Variants in FSTL4 observed in about 807,000 individuals in gnomAD.
FSTL4 encodes the protein follistatin like 4, also known as follistatin-related protein 4.
In FSTL4, 28 loss-of-function variants were observed where a neutral mutation model predicts 78.2. The observed-to-expected ratio is 0.36, with a 90% CI of 0.27 to 0.49. The LOEUF (loss-of-function observed/expected upper bound fraction) is 0.49, where lower values mean the gene tolerates loss of function less well. Ranked by LOEUF, FSTL4 falls within the 20% of genes least tolerant of loss-of-function variation. The pLI, the probability that FSTL4 is intolerant of heterozygous loss-of-function variation, is 0.98. For missense variants in FSTL4, 922 were observed against 1,084.9 expected, an observed-to-expected ratio of 0.85 and a Z score of 2.11; for synonymous variants, 422 against 440.5, an observed-to-expected ratio of 0.96 and a Z score of 0.53.
At chr5:133,445,838 GA>G (rs1034432001) in intron 3 of FSTL4, among the ~76,000 whole-genome samples, 12 of 146,974 alleles carry the variant, frequency 8.2e-5, no homozygotes, top group African/African-American at 1.2e-4. Flanking sequence ...TTTTAAAGGA[GA>G]AAAAAAAAAG....
chr5:133,481,255 C>T (rs148629285), intron 3 of FSTL4, among the ~76,000 whole-genome samples: 314 of 152,248 alleles, frequency 2.1e-3, no homozygotes, highest in Middle Eastern at 0.01. Flanking sequence ...AGCTATCAAG[C>T]ATTGGTCAGG....
In FSTL4 at chr5:133,466,646, C is replaced by A. The variant is rs548031928; in HGVS notation, c.161-65660G>T. 2.6e-5 allele frequency among the ~76,000 whole-genome samples: 4 copies of A among 152,310 alleles called. No homozygotes were observed. The East Asian group carries it at 7.7e-4, about 29-fold the overall frequency. ...GTATCCGGTCAACATTTATTGAATT[C>A]CCTCTGAGTAATAAATAGACCCTTT... is the stretch of plus-strand genomic sequence containing the variant. On this transcript the variant is annotated intron_variant, in intron 3 of 15. Transcript: ENST00000265342.
chr5:133,487,677 T>C (rs1447912479), intron 3 of FSTL4, among the ~76,000 whole-genome samples: 1 of 152,186 alleles, frequency 6.6e-6, no homozygotes, highest in Non-Finnish European at 1.5e-5. Context: ...CTTCTCCCTA[T>C]GCAGGTGCTT....
intron 2 of FSTL4, among the ~76,000 whole-genome samples, chr5:133,580,051 T>C (rs1760368029): frequency 6.6e-6 from 1 of 152,184 alleles, no homozygotes; most frequent in Admixed American, 6.5e-5. Flanking sequence ...GCACACCCTC[T>C]TCTCCAAAGG....
chr5:133,807,108 T>C, the FSTL4 span, among the ~76,000 whole-genome samples: 1 of 152,224 alleles, frequency 6.6e-6, no homozygotes, highest in East Asian at 1.9e-4. Context: ...ATTCCTTTTG[T>C]TGTTAAACAG....
chr5:133,362,867 CTTTAACCTATCTCCTT>C (rs1755101209), intron 4 of FSTL4, among the ~76,000 whole-genome samples: 1 of 152,200 alleles, frequency 6.6e-6, no homozygotes, highest in South Asian at 2.1e-4. Context: ...ATTACTATGC[CTTTAACCTATCTCCTT>C]TTTAAATCAC....
chr5:133,404,126 C>T (rs1756300464), intron 3 of FSTL4, among the ~76,000 whole-genome samples: 1 of 152,216 alleles, frequency 6.6e-6, no homozygotes, highest in African/African-American at 2.4e-5. Context: ...ACAAAAGTAG[C>T]ATGAAGGCCC....
intron 3 of FSTL4, among the ~76,000 whole-genome samples, chr5:133,488,306 G>T (rs1375348148): frequency 6.6e-6 from 1 of 152,208 alleles, no homozygotes; most frequent in African/African-American, 2.4e-5. Context: ...CCAGGCTGGA[G>T]TGCAGTGGCA....
intron 4 of FSTL4, among the ~76,000 whole-genome samples, chr5:133,344,420 T>C (rs1336116233): frequency 1.3e-5 from 2 of 152,238 alleles, no homozygotes; most frequent in Non-Finnish European, 2.9e-5. Flanking sequence ...ATTCTGATGA[T>C]GTAACCCTCA....
At chr5:133,724,900 G>A in the FSTL4 span, among the ~76,000 whole-genome samples, 45 of 152,316 alleles carry the variant, frequency 3.0e-4, no homozygotes, top group African/African-American at 9.9e-4. Flanking sequence ...TGCATGGCAT[G>A]AAGTAAAAGT....
chr5:133,345,592 T>C (rs79635161), intron 4 of FSTL4, among the ~76,000 whole-genome samples: 17,656 of 152,240 alleles, frequency 0.12, 1,172 homozygotes, highest in African/African-American at 0.18. Context: ...CTTGAATTAA[T>C]TTTTGTACAA....
chr5:133,598,579 A>G (rs1760789915), intron 2 of FSTL4, among the ~76,000 whole-genome samples: 1 of 152,108 alleles, frequency 6.6e-6, no homozygotes, highest in South Asian at 2.1e-4. Flanking sequence ...GAATATCCAC[A>G]TCCTCTGACT....
chr5:133,788,811 C>T, the FSTL4 span, among the ~76,000 whole-genome samples: 12 of 152,144 alleles, frequency 7.9e-5, no homozygotes, highest in African/African-American at 2.7e-4. Flanking sequence ...AAGATTTATG[C>T]GGTTTCCTCA....
At chr5:133,717,790 T>G in the FSTL4 span, among the ~76,000 whole-genome samples, 34 of 152,256 alleles carry the variant, frequency 2.2e-4, no homozygotes, top group African/African-American at 8.0e-4. Flanking sequence ...TACTGCATCA[T>G]GCAGATACAC....
At chr5:133,318,808 C>T (rs1365241804) in intron 4 of FSTL4, among the ~76,000 whole-genome samples, 2 of 152,234 alleles carry the variant, frequency 1.3e-5, no homozygotes. Flanking sequence ...AACCTTCCTC[C>T]TGGACCTTGG....
intron 6 of FSTL4, among the ~76,000 whole-genome samples, chr5:133,301,240 C>A (rs1477927596): frequency 6.6e-6 from 1 of 152,268 alleles, no homozygotes; most frequent in South Asian, 2.1e-4. Context: ...CAGCATCCTG[C>A]CAAAGTGCGC....
intron 6 of FSTL4, among the ~76,000 whole-genome samples, chr5:133,287,126 C>T (rs180715411): frequency 9.3e-4 from 141 of 152,290 alleles, no homozygotes; most frequent in African/African-American, 3.3e-3. Flanking sequence ...CGGTGGCTCA[C>T]GCCTGTAATT....
At chr5:133,590,051 G>T (rs1469018258) in intron 2 of FSTL4, among the ~76,000 whole-genome samples, 1 of 152,038 alleles carries the variant, frequency 6.6e-6, no homozygotes. Flanking sequence ...ATGGAATTAA[G>T]AAATTCATAT....
intron 3 of FSTL4, among the ~76,000 whole-genome samples, chr5:133,456,564 G>A (rs965007095): frequency 6.6e-6 from 1 of 152,158 alleles, no homozygotes; most frequent in African/African-American, 2.4e-5. Context: ...CCCTGCTGAG[G>A]CCAACAGCCC....
Sources: gnomAD v4.1 joint callset for allele counts (sites outside exome capture counted in the v4.1 genomes callset) on GRCh38, gnomAD v4.1.1 for gene constraint, MANE v1.5 for transcripts, NCBI Gene and HGNC (gene_info 2026-07-23, HGNC 2026-07-21) for gene names.